The following ARL5C variants were observed in gnomAD, a reference collection of about 807,000 sequenced individuals.
The protein encoded by ARL5C is putative ADP-ribosylation factor-like protein 5C.
A neutral mutation model predicts 20.8 loss-of-function variants in ARL5C; 21 were observed. The observed-to-expected ratio is 1.01, with a 90% CI of 0.72 to 1.46. The LOEUF (loss-of-function observed/expected upper bound fraction) is 1.46, where lower values mean the gene tolerates loss of function less well. ARL5C is among the 40% of genes most tolerant of loss of function. ARL5C has a pLI of 0.00. For synonymous variants in ARL5C, 71 were observed against 81.6 expected (o/e 0.87, Z 0.70); for missense variants, 199 against 225.1 (o/e 0.88, Z 0.74).
intron 4 of ARL5C, 112 bp from the exon 5 acceptor site, chr17:39,160,854 C>A: frequency 7.6e-7 from 1 of 1,322,342 alleles, no homozygotes. Context: ...AAGAGAGGCC[C>A]ATGCCTGGAT....
At chr17:39,165,042 C>T (rs1447656172) in intron 2 of ARL5C, 37 bp downstream of exon 2, 4 of 1,544,708 alleles carry the variant, frequency 2.6e-6, no homozygotes, top group South Asian at 1.2e-5. Context: ...TGGTGGGAGG[C>T]CCAGCTCTCT....
chr17:39,159,297 C>CTTTTTTTTTTTTT (rs71141776), intron 5 of ARL5C, among the ~76,000 whole-genome samples: 1 of 111,822 alleles, frequency 8.9e-6, no homozygotes, highest in African/African-American at 3.3e-5. Context: ...TTCTTTCTTT[C>CTTTTTTTTTTTTT]TTTTTTTTTT....
chr17:39,165,750 A>C lies in ARL5C; in HGVS notation c.11T>G (p.Leu4Arg). The change falls in exon 1 of 6, where the codon CTG becomes CGG. Residue 4 changes from leucine (L) to arginine (R), a missense_variant. By Grantham distance (102) the Leu-to-Arg change is moderately radical. Transcript: ENST00000269586. Reference protein sequence around the residue: MGQLIAKLMSIFGN... With the variant: MGQRIAKLMSIFGN... ...GAAGATGCTCATTAACTTGGCGATCAGCTGTCCCATGGCACTTCCCGGGCC... is the reference window on the plus strand; with the variant it reads ...GAAGATGCTCATTAACTTGGCGATCCGCTGTCCCATGGCACTTCCCGGGCC... 6.4e-7 allele frequency: 1 copy of C among 1,551,876 alleles called. No homozygotes were observed. Among genetic ancestry groups the C allele is most frequent in the Non-Finnish European group, 8.7e-7 (1 of 1,146,990 alleles).
intron 4 of ARL5C, 80 bp from the exon 5 acceptor site, chr17:39,160,822 CT>C: frequency 6.7e-7 from 1 of 1,498,010 alleles, no homozygotes; most frequent in South Asian, 1.3e-5. Context: ...CGCTCTCTGG[CT>C]CCCTCTCCAG....
At chr17:39,159,575 G>A (rs1014278790) in intron 5 of ARL5C, among the ~76,000 whole-genome samples, 2 of 152,116 alleles carry the variant, frequency 1.3e-5, no homozygotes, top group Non-Finnish European at 2.9e-5. Context: ...GGGATTACAG[G>A]CATGAGCCAC....
At chr17:39,159,277 G>A (rs995074326) in intron 5 of ARL5C, among the ~76,000 whole-genome samples, 28 of 133,664 alleles carry the variant, frequency 2.1e-4, no homozygotes, top group African/African-American at 6.0e-4. Context: ...GCCTCAAGCC[G>A]TTTACCATTT....
chr17:39,160,324 CAAAAA>C, intron 5 of ARL5C: 8 of 269,744 alleles, frequency 3.0e-5, no homozygotes, highest in South Asian at 9.5e-5. Context: ...AACTCTGTCT[CAAAAA>C]AAAAAAAAAA....
chr17:39,157,086 G>T, intron 5 of ARL5C, 144 bp from the exon 6 acceptor site: 1 of 903,644 alleles, frequency 1.1e-6, no homozygotes, highest in Non-Finnish European at 1.7e-6. Flanking sequence ...ACTGGCTTGA[G>T]TATCTGCTGT....
At chr17:39,164,571 G>A (rs2045453375) in intron 2 of ARL5C, among the ~76,000 whole-genome samples, 1 of 152,026 alleles carries the variant, frequency 6.6e-6, no homozygotes. Context: ...CCTAAGTAAA[G>A]TACTTTGGAG....
chr17:39,158,216 G>A (rs1431036184), intron 5 of ARL5C, among the ~76,000 whole-genome samples: 1 of 152,170 alleles, frequency 6.6e-6, no homozygotes, highest in Non-Finnish European at 1.5e-5. Flanking sequence ...TGAACTGACT[G>A]TGGGTTGTGG....
chr17:39,163,660 G>A (rs559563684), intron 2 of ARL5C, among the ~76,000 whole-genome samples: 19 of 149,224 alleles, frequency 1.3e-4, no homozygotes, highest in African/African-American at 4.1e-4. Flanking sequence ...CCAAAGTGCT[G>A]GGATTACAGG....
At chr17:39,159,197 G>GTTTTT (rs35119781) in intron 5 of ARL5C, among the ~76,000 whole-genome samples, 7 of 97,310 alleles carry the variant, frequency 7.2e-5, no homozygotes, top group African/African-American at 2.1e-4. Flanking sequence ...ACATCCAGCG[G>GTTTTT]TTTTTTTTTT....
rs1337804374 is a variant in ARL5C, at chr17:39,165,139, T to C, written c.47A>G (p.Glu16Gly). The C allele has an allele frequency of 3.9e-6, 6 of 1,551,378 alleles. No homozygotes were observed. The East Asian group carries it at 1.2e-4, about 32-fold the overall frequency. The part of the protein sequence containing the change: ...AKLMSIFGNQ[E>G]HTVIIVGLDN... Reference sequence around the variant, plus strand: ...CAGTCCCACGATGATGACCGTGTGCTCTGGAAGCGTCGGAGGAAGGGCAGC... The same window carrying C: ...CAGTCCCACGATGATGACCGTGTGCCCTGGAAGCGTCGGAGGAAGGGCAGC... Residue 16 changes from glutamate (E) to glycine (G), a missense_variant and splice_region_variant, in exon 2 of 6, where the codon GAG (glutamate) becomes GGG (glycine). Coordinates refer to ENST00000269586, the MANE Select transcript of ARL5C (RefSeq NM_001143968.1).
intron 2 of ARL5C, chr17:39,164,244 T>C (rs1465581628): frequency 1.3e-5 from 2 of 152,222 alleles, no homozygotes; most frequent in Non-Finnish European, 2.9e-5. Flanking sequence ...TTTGCATTCC[T>C]AATAAGCTTT....
chr17:39,165,570 C>A, intron 1 of ARL5C, 145 bp downstream of exon 1: 1 of 980,614 alleles, frequency 1.0e-6, no homozygotes, highest in Non-Finnish European at 1.5e-6. Flanking sequence ...GGGACGGGGG[C>A]AGGGGAGGCC....
At chr17:39,162,481 A>G (rs1376314664) in intron 3 of ARL5C, among the ~76,000 whole-genome samples, 1 of 151,988 alleles carries the variant, frequency 6.6e-6, no homozygotes, top group Non-Finnish European at 1.5e-5. Flanking sequence ...TTGTATTTTC[A>G]GTAGAGGTGG....
intron 1 of ARL5C, 95 bp downstream of exon 1, chr17:39,165,620 C>G: frequency 1.3e-6 from 2 of 1,486,386 alleles, no homozygotes; most frequent in Middle Eastern, 3.4e-4. Context: ...ACCCTCGGAG[C>G]CCGAGGTCCC....
Position 39,162,697 on chromosome 17 carries a change from G to A in ARL5C, c.255+14C>T, listed in dbSNP as rs760455158. The A allele has an allele frequency of 2.9e-5, 45 of 1,550,700 alleles. No individual in the cohort carries two copies. The African/African-American group carries it at 5.5e-4, about 19-fold the overall frequency. Reference sequence around the variant, plus strand: ...CCTGCCTTGGAGACCCTTCAGCCCTGGTGCCCTCCTCACCTCAGTGTTGGA... The same window carrying A: ...CCTGCCTTGGAGACCCTTCAGCCCTAGTGCCCTCCTCACCTCAGTGTTGGA... On this transcript the variant is annotated intron_variant, in intron 3 of 5. Transcript: ENST00000269586.
In ARL5C at chr17:39,161,125, C is replaced by T. The variant is rs536699558; in HGVS notation, c.339+143G>A. On this transcript the variant is annotated intron_variant, in intron 4 of 5. Coordinates refer to ENST00000269586, the MANE Select transcript of ARL5C (RefSeq NM_001143968.1). ...GAGGGTACTGATGCCCTTCATCAGG[C>T]ACAAACCAGCCCTCCTCATGCTGCT... 4 of 775,606 alleles carry T rather than the reference C, an allele frequency of 5.2e-6. No individual in the cohort carries two copies. The African/African-American group carries it at 6.9e-5, about 13-fold the overall frequency. The allele number at this position is 775,606 out of a possible 1,614,324, so 48.0% of individuals were successfully genotyped here.
Sources: gnomAD v4.1 joint callset for allele counts (sites outside exome capture counted in the v4.1 genomes callset) on GRCh38, gnomAD v4.1.1 for gene constraint, MANE v1.5 for transcripts, NCBI Gene and HGNC (gene_info 2026-07-23, HGNC 2026-07-21) for gene names.